Variants in ARHGEF28 observed in about 807,000 individuals in gnomAD.
ARHGEF28 encodes the protein Rho guanine nucleotide exchange factor 28.
A neutral mutation model predicts 206.6 loss-of-function variants in ARHGEF28; 152 were observed. That is an observed-to-expected ratio of 0.74 (90% CI 0.64 to 0.84). ARHGEF28 has a LOEUF of 0.84. ARHGEF28 is among the 40% of genes least tolerant of loss of function. The pLI, the probability that ARHGEF28 is intolerant of heterozygous loss-of-function variation, is 0.00. For synonymous variants in ARHGEF28, 763 were observed against 776.4 expected (o/e 0.98, Z 0.29); for missense variants, 2,028 against 2,073.2 (o/e 0.98, Z 0.42).
intron 16 of ARHGEF28, among the ~76,000 whole-genome samples, chr5:73,861,978 G>C (rs1484266809): frequency 2.0e-5 from 3 of 152,098 alleles, no homozygotes; most frequent in African/African-American, 4.8e-5. Flanking sequence ...CTTTTTCCAT[G>C]GGTGCATTTT....
chr5:73,889,277 C>G (rs992075874), intron 26 of ARHGEF28, among the ~76,000 whole-genome samples: 1 of 152,198 alleles, frequency 6.6e-6, no homozygotes, highest in Non-Finnish European at 1.5e-5. Context: ...CTGCATGTTA[C>G]AGAAAACGTG....
intron 4 of ARHGEF28, among the ~76,000 whole-genome samples, chr5:73,759,121 A>G (rs1165866050): frequency 1.3e-5 from 2 of 149,734 alleles, no homozygotes; most frequent in South Asian, 2.2e-4. Context: ...AAGAAAACCA[A>G]TTGGTGGAAC....
In ARHGEF28 at chr5:73,820,203, G is replaced by A. The variant is rs79513142; in HGVS notation, c.1025-12135G>A. Among the ~76,000 whole-genome samples the A allele has an allele frequency of 2.4e-4, 37 of 152,190 alleles. No individual in the cohort carries two copies. In the East Asian group the frequency reaches 6.0e-3, roughly 25 times the overall value. On this transcript the variant is annotated intron_variant, in intron 9 of 35. Transcript: ENST00000513042. ...TCTATAGGCAGTGGGGCAGGGGAGG[G>A]GAAAGGATATATTTTAGCCTAATAT...
intron 10 of ARHGEF28, among the ~76,000 whole-genome samples, chr5:73,839,171 C>G (rs1455574423): frequency 6.6e-6 from 1 of 152,120 alleles, no homozygotes; most frequent in Admixed American, 6.5e-5. Flanking sequence ...CATAGGACAT[C>G]AATCTGTCCC....
rs545141025 is a variant in ARHGEF28 at position 73,862,106 on chromosome 5, T to C, written c.2048-2711T>C. Among the ~76,000 whole-genome samples the C allele has an allele frequency of 4.6e-5, 7 of 152,304 alleles. 1 individual carries two copies. The East Asian group carries it at 1.2e-3, about 25-fold the overall frequency. On this transcript the variant is annotated intron_variant, in intron 16 of 35. Coordinates refer to ENST00000513042, the MANE Select transcript of ARHGEF28 (RefSeq NM_001177693.2). ...GGGTAATTTTCTTCTTGTTAAAGCC[T>C]GAGTTGCTAATTTTCCACAAAATTA...
At chr5:73,839,003 C>G (rs1002841323) in intron 10 of ARHGEF28, among the ~76,000 whole-genome samples, 1 of 152,158 alleles carries the variant, frequency 6.6e-6, no homozygotes, top group Non-Finnish European at 1.5e-5. Context: ...TAAAAGAATA[C>G]AGACCAGTAT....
chr5:73,795,308 C>A lies in ARHGEF28; in HGVS notation c.964-23C>A, dbSNP rs761537773. ...AGCATATATGTAATTTTTTAAAAAT[C>A]CACCTGACTTTATCTCTTCCAGCGT... On this transcript the variant is annotated intron_variant, in intron 8 of 35. Coordinates refer to ENST00000513042, the MANE Select transcript of ARHGEF28 (RefSeq NM_001177693.2). 10 of 1,609,742 alleles carry A rather than the reference C, an allele frequency of 6.2e-6. No homozygotes were observed. The South Asian group carries it at 1.1e-4, about 18-fold the overall frequency.
At chr5:73,784,241 A>T (rs373005621) in intron 7 of ARHGEF28, among the ~76,000 whole-genome samples, 1 of 152,020 alleles carries the variant, frequency 6.6e-6, no homozygotes, top group African/African-American at 2.4e-5. Flanking sequence ...TAGGGGGGAA[A>T]CTCTAAGCTT....
At chr5:73,918,281 A>G (rs1010961576) in intron 35 of ARHGEF28, among the ~76,000 whole-genome samples, 1 of 152,212 alleles carries the variant, frequency 6.6e-6, no homozygotes, top group African/African-American at 2.4e-5. Flanking sequence ...CAAAGCAGCC[A>G]TAGACAATAT....
At chr5:73,817,677 G>A (rs2112531377) in intron 9 of ARHGEF28, among the ~76,000 whole-genome samples, 1 of 152,310 alleles carries the variant, frequency 6.6e-6, no homozygotes, top group East Asian at 1.9e-4. Flanking sequence ...TCATTTATTA[G>A]TTGGGGTCTC....
intron 7 of ARHGEF28, among the ~76,000 whole-genome samples, chr5:73,783,382 GTGT>G (rs1753964837): frequency 1.4e-5 from 2 of 142,718 alleles, no homozygotes; most frequent in Admixed American, 6.9e-5. Flanking sequence ...GTGTGTGTGT[GTGT>G]ATGTGTGTGT....
At chr5:73,739,608 C>T (rs1751236703) in intron 2 of ARHGEF28, among the ~76,000 whole-genome samples, 1 of 151,674 alleles carries the variant, frequency 6.6e-6, no homozygotes, top group Non-Finnish European at 1.5e-5. Context: ...CGCTTGAGCC[C>T]AGGAGTTCAG....
At chr5:73,810,694 T>C (rs1430666332) in intron 9 of ARHGEF28, among the ~76,000 whole-genome samples, 2 of 152,216 alleles carry the variant, frequency 1.3e-5, no homozygotes, top group Non-Finnish European at 2.9e-5. Context: ...ACATCTGGGA[T>C]GGGAATCTCA....
At chr5:73,675,555 ACT>A in intron 1 of ARHGEF28, among the ~76,000 whole-genome samples, 1 of 151,906 alleles carries the variant, frequency 6.6e-6, no homozygotes, top group South Asian at 2.1e-4. Context: ...ACACTGTGAA[ACT>A]CTGTCTCTAC....
At chr5:73,841,431 C>T (rs746315543) in intron 11 of ARHGEF28, among the ~76,000 whole-genome samples, 22 of 152,066 alleles carry the variant, frequency 1.4e-4, no homozygotes, top group African/African-American at 2.4e-4. Context: ...AGAGGCCTGG[C>T]GTGGTGGCTC....
intron 6 of ARHGEF28, among the ~76,000 whole-genome samples, chr5:73,777,249 C>T (rs1753592560): frequency 6.8e-6 from 1 of 147,446 alleles, no homozygotes; most frequent in South Asian, 2.1e-4. Context: ...CTTTATCTCT[C>T]TTTTTTTTTT....
intron 23 of ARHGEF28, 61 bp from the exon 24 acceptor site, chr5:73,883,706 T>G (rs1377827721): frequency 8.2e-6 from 9 of 1,098,856 alleles, no homozygotes; most frequent in Non-Finnish European, 1.2e-5. Flanking sequence ...TATTGTTACA[T>G]TCACACCTGA....
At chr5:73,748,369 T>G (rs145347583) in intron 2 of ARHGEF28, among the ~76,000 whole-genome samples, 107 of 152,372 alleles carry the variant, frequency 7.0e-4, no homozygotes, top group African/African-American at 2.5e-3. Context: ...CTCTATACTT[T>G]GTATTTATAC....
chr5:73,709,979 C>T lies in ARHGEF28; in HGVS notation c.33+25095C>T, dbSNP rs139859074. 4.7e-4 allele frequency among the ~76,000 whole-genome samples: 71 copies of T among 152,246 alleles called. 1 individual carries two copies. The East Asian group carries it at 0.012, about 25-fold the overall frequency. On this transcript the variant is annotated intron_variant, in intron 2 of 35. Transcript: ENST00000513042. ...ACAGTTTGTTTAACCACTCATGTGT[C>T]GAAGGCCTGGTTTTTCATGCTTATG... is the stretch of plus-strand genomic sequence containing the variant.
Sources: gnomAD v4.1 joint callset for allele counts (sites outside exome capture counted in the v4.1 genomes callset) on GRCh38, gnomAD v4.1.1 for gene constraint, MANE v1.5 for transcripts, NCBI Gene and HGNC (gene_info 2026-07-23, HGNC 2026-07-21) for gene names.